The following BCAS1 variants were observed in gnomAD, a reference collection of about 807,000 sequenced individuals.
The protein encoded by BCAS1 is breast carcinoma-amplified sequence 1.
BCAS1 carries 46 observed loss-of-function variants against 65.4 expected under a neutral mutation model. The ratio of observed to expected loss-of-function variants is 0.70; its 90% CI spans 0.55 to 0.90. The LOEUF is 0.90. Ranked by LOEUF, BCAS1 falls within the 40% of genes least tolerant of loss-of-function variation. The pLI, the probability that BCAS1 is intolerant of heterozygous loss-of-function variation, is 0.00. For synonymous variants in BCAS1, 298 were observed against 293.5 expected, an observed-to-expected ratio of 1.02 and a Z score of -0.16; for missense variants, 793 against 771.2, an observed-to-expected ratio of 1.03 and a Z score of -0.33.
intron 3 of BCAS1, among the ~76,000 whole-genome samples, chr20:54,056,190 A>C (rs2092294190): frequency 6.6e-6 from 1 of 152,198 alleles, no homozygotes; most frequent in Non-Finnish European, 1.5e-5. Context: ...ACAAAAACAA[A>C]AAAGTAGCTA....
intron 3 of BCAS1, among the ~76,000 whole-genome samples, chr20:54,035,444 GCATATGAAAAAAAGCTCAAT>G (rs1289093124): frequency 7.0e-6 from 1 of 142,808 alleles, no homozygotes; most frequent in Non-Finnish European, 1.5e-5. Context: ...TAGTCAACAA[GCATATGAAAAAAAGCTCAAT>G]ATTACTAATC....
At chr20:53,997,908 C>A (rs1418838050) in intron 4 of BCAS1, among the ~76,000 whole-genome samples, 3 of 152,104 alleles carry the variant, frequency 2.0e-5, no homozygotes, top group Admixed American at 6.5e-5. Context: ...CCCTTTCATC[C>A]CCGTGTAGTC....
At chr20:54,057,732 A>G (rs1332102927) in intron 3 of BCAS1, among the ~76,000 whole-genome samples, 1 of 152,226 alleles carries the variant, frequency 6.6e-6, no homozygotes, top group Non-Finnish European at 1.5e-5. Flanking sequence ...CATATGATGA[A>G]GGGGAAATTT....
intron 4 of BCAS1, among the ~76,000 whole-genome samples, chr20:53,999,336 A>G (rs536855072): frequency 2.6e-5 from 4 of 152,330 alleles, no homozygotes; most frequent in African/African-American, 9.6e-5. Flanking sequence ...TCACAAATCT[A>G]TCTTATCTAA....
At chr20:53,983,900 T>C (rs2145765356) in intron 8 of BCAS1, among the ~76,000 whole-genome samples, 1 of 152,304 alleles carries the variant, frequency 6.6e-6, no homozygotes, top group South Asian at 2.1e-4. Context: ...CTACTTCTCC[T>C]TCACAGATGT....
chr20:53,991,317 C>A (rs73124067), intron 7 of BCAS1, among the ~76,000 whole-genome samples: 1,702 of 152,302 alleles, frequency 0.011, 11 homozygotes, highest in Middle Eastern at 0.044. Context: ...ATTCTTTTCT[C>A]TTCACAGAAC....
chr20:54,061,545 T>C lies in BCAS1; in HGVS notation c.-5-2822A>G, dbSNP rs145728277. Among the ~76,000 whole-genome samples the C allele has an allele frequency of 1.0e-3, 154 of 152,318 alleles. 1 individual carries two copies. The highest frequency in any genetic ancestry group is 3.7e-3 in the African/African-American group (152 of 41,574). ...GGAGTCAATGAGTCACCAGGGATTC[T>C]TGTGGATCTCTCGCCATTGGTGTGA... On this transcript the variant is annotated intron_variant, in intron 1 of 12. Coordinates refer to ENST00000688948, the MANE Select transcript of BCAS1 (RefSeq NM_001366298.2).
intron 10 of BCAS1, among the ~76,000 whole-genome samples, chr20:53,958,951 A>T (rs1049330667): frequency 6.6e-6 from 1 of 152,206 alleles, no homozygotes; most frequent in African/African-American, 2.4e-5. Flanking sequence ...TTTATTGAGC[A>T]TTCACTGTAT....
intron 1 of BCAS1, among the ~76,000 whole-genome samples, chr20:54,059,553 T>C (rs1322240681): frequency 6.6e-6 from 1 of 151,974 alleles, no homozygotes; most frequent in Non-Finnish European, 1.5e-5. Context: ...TATATATTCA[T>C]GCTTTCACTG....
Position 53,977,114 on chromosome 20 carries a change from A to ATCTT in BCAS1, c.1276-1685_1276-1684insAAGA, listed in dbSNP as rs1248134707. On this transcript the variant is annotated intron_variant, in intron 8 of 12. Transcript: ENST00000688948. Reference sequence around the variant, plus strand: ...AGGCAAGAGAGAGCGAAGGGAGAAGAGCCCCTTATAAAGCCATCAGATCTT... The same window carrying ATCTT: ...AGGCAAGAGAGAGCGAAGGGAGAAGATCTTGCCCCTTATAAAGCCATCAGATCTT... 1.1e-3 allele frequency among the ~76,000 whole-genome samples: 161 copies of ATCTT among 152,282 alleles called. 3 individuals are homozygous for ATCTT. The East Asian group carries it at 0.03, about 28-fold the overall frequency.
intron 8 of BCAS1, among the ~76,000 whole-genome samples, chr20:53,980,460 G>A (rs925567236): frequency 6.6e-6 from 1 of 152,194 alleles, no homozygotes; most frequent in Non-Finnish European, 1.5e-5. Flanking sequence ...AATGCTAATA[G>A]AGATAATAGT....
At chr20:54,034,754 G>A (rs1395421997) in intron 3 of BCAS1, among the ~76,000 whole-genome samples, 1 of 151,318 alleles carries the variant, frequency 6.6e-6, no homozygotes, top group Non-Finnish European at 1.5e-5. Flanking sequence ...AACTACTGTT[G>A]AGATTCTTCA....
chr20:53,999,609 A>T (rs940787638), intron 4 of BCAS1, among the ~76,000 whole-genome samples: 8 of 151,974 alleles, frequency 5.3e-5, no homozygotes, highest in South Asian at 4.2e-4. Flanking sequence ...AACCCCAGTG[A>T]CCTGCTTGCT....
intron 9 of BCAS1, among the ~76,000 whole-genome samples, chr20:53,973,540 G>A (rs534492538): frequency 6.6e-6 from 1 of 152,232 alleles, no homozygotes; most frequent in South Asian, 2.1e-4. Flanking sequence ...GGGAAACACA[G>A]GGTTCCTTAA....
At chr20:53,979,221 G>A (rs1434634662) in intron 8 of BCAS1, among the ~76,000 whole-genome samples, 1 of 152,172 alleles carries the variant, frequency 6.6e-6, no homozygotes, top group Non-Finnish European at 1.5e-5. Context: ...TATTGAAGTA[G>A]AGCAAAAATA....
rs2090895087 is a variant in BCAS1, at chr20:53,995,911, A to G, written c.863T>C (p.Met288Thr). 1.9e-6 allele frequency: 3 copies of G among 1,608,078 alleles called. No homozygotes were observed. The highest frequency in any genetic ancestry group is 2.5e-6 in the Non-Finnish European group (3 of 1,177,248). ...AAIAENNNSI[M>T]SFFKTLVSPN... ...GCTTACCAGAGTTTTAAAGAAACTC[A>G]TGATGGAATTATTATTCTCTGCTAT... The change falls in exon 5 of 13, where the codon ATG (methionine) becomes ACG (threonine). Residue 288 changes from methionine (M) to threonine (T), a missense_variant. Transcript: ENST00000688948.
rs1304259824 is a variant in BCAS1 at position 54,032,093 on chromosome 20, G to A, written c.143-3121C>T. 1.3e-5 allele frequency among the ~76,000 whole-genome samples: 2 copies of A among 151,058 alleles called. 1 individual carries two copies. The highest frequency in any genetic ancestry group is 3.0e-5 in the Non-Finnish European group (2 of 67,488). On this transcript the variant is annotated intron_variant, in intron 3 of 12. Coordinates refer to ENST00000688948, the MANE Select transcript of BCAS1 (RefSeq NM_001366298.2). ...TAAAGGCAACTAGAGTGAAAGGCCC[G>A]GTCACCTAAAAAGGGAAGCACAGAC... is the stretch of plus-strand genomic sequence containing the variant.
intron 3 of BCAS1, among the ~76,000 whole-genome samples, chr20:54,053,508 T>G (rs1441067053): frequency 6.6e-6 from 1 of 152,248 alleles, no homozygotes; most frequent in Non-Finnish European, 1.5e-5. Flanking sequence ...AAAGACTAGT[T>G]TTAACTTTTG....
intron 10 of BCAS1, among the ~76,000 whole-genome samples, chr20:53,966,540 G>A (rs1345179359): frequency 1.3e-5 from 2 of 152,126 alleles, no homozygotes; most frequent in East Asian, 1.9e-4. Flanking sequence ...CACACTGCTC[G>A]GGTGACAGGT....
Sources: allele counts gnomAD v4.1 joint callset (sites outside exome capture counted in the v4.1 genomes callset), GRCh38; gene constraint gnomAD v4.1.1; transcripts MANE v1.5; gene names NCBI Gene and HGNC (gene_info 2026-07-23, HGNC 2026-07-21).